The following ADAMTS12 variants were observed in gnomAD, a reference collection of about 807,000 sequenced individuals.
The protein encoded by ADAMTS12 is A disintegrin and metalloproteinase with thrombospondin motifs 12.
ADAMTS12 carries 118 observed loss-of-function variants against 167.8 expected under a neutral mutation model. The ratio of observed to expected loss-of-function variants is 0.70; its 90% CI spans 0.61 to 0.82. ADAMTS12 has a LOEUF of 0.82. Ranked by LOEUF, ADAMTS12 falls within the 40% of genes least tolerant of loss-of-function variation. The pLI is 0.00. For missense variants in ADAMTS12, 1,916 were observed against 1,998.8 expected, an observed-to-expected ratio of 0.96 and a Z score of 0.79; for synonymous variants, 704 against 716.9, an observed-to-expected ratio of 0.98 and a Z score of 0.29.
chr5:33,670,922 C>T (rs1043579407), intron 5 of ADAMTS12, among the ~76,000 whole-genome samples: 2 of 152,100 alleles, frequency 1.3e-5, no homozygotes, highest in Non-Finnish European at 2.9e-5. Context: ...ACCCAAATGT[C>T]CTTCAGTGGG....
chr5:33,669,918 A>G (rs1420341922), intron 5 of ADAMTS12, among the ~76,000 whole-genome samples: 2 of 151,974 alleles, frequency 1.3e-5, no homozygotes, highest in African/African-American at 4.8e-5. Flanking sequence ...GAAAAAAAAC[A>G]TAGAAAATCT....
intron 3 of ADAMTS12, among the ~76,000 whole-genome samples, chr5:33,693,096 C>T (rs977583279): frequency 1.3e-5 from 2 of 152,246 alleles, no homozygotes; most frequent in South Asian, 2.1e-4. Flanking sequence ...TCAGCTATCT[C>T]TGTTGCTGCT....
intron 2 of ADAMTS12, among the ~76,000 whole-genome samples, chr5:33,824,793 G>A (rs62349829): frequency 0.16 from 24,969 of 152,098 alleles, 2,621 homozygotes; most frequent in South Asian, 0.4. Flanking sequence ...CCCTTGCTCT[G>A]TAAAGTTACA....
At chr5:33,670,094 A>G (rs1741617490) in intron 5 of ADAMTS12, among the ~76,000 whole-genome samples, 1 of 152,108 alleles carries the variant, frequency 6.6e-6, no homozygotes, top group Admixed American at 6.5e-5. Flanking sequence ...AAATACTTGT[A>G]ATACACATAT....
At chr5:33,630,657 C>CTA (rs1739874266) in intron 13 of ADAMTS12, 123 bp downstream of exon 13, 6 of 1,059,440 alleles carry the variant, frequency 5.7e-6, no homozygotes, top group Non-Finnish European at 8.1e-6. Context: ...GTTTCATGAA[C>CTA]TATATATAAA....
At position 33,524,092 on chromosome 5, in the gene ADAMTS12, C is replaced by T. The variant is rs1411837905; in HGVS notation, c.*3096G>A. ...CTGGATGAAGGTTATCAGAAACATT[C>T]ACTGACTATCTGAAAGCATCACAGT... On this transcript the variant is annotated 3_prime_UTR_variant, in exon 24 of 24. Coordinates refer to ENST00000504830, the MANE Select transcript of ADAMTS12 (RefSeq NM_030955.4). 1 of 152,358 alleles carries T rather than the reference C, an allele frequency of 6.6e-6. No homozygotes were observed. The highest frequency in any genetic ancestry group is 2.4e-5 in the African/African-American group (1 of 41,434). 9.4% of individuals were successfully genotyped at this position (152,358 alleles called of 1,614,324 possible).
At chr5:33,553,830 T>C (rs941903748) in intron 20 of ADAMTS12, among the ~76,000 whole-genome samples, 2 of 152,170 alleles carry the variant, frequency 1.3e-5, no homozygotes, top group African/African-American at 4.8e-5. Context: ...AGTTTACCTA[T>C]GTAGCAAACC....
intron 22 of ADAMTS12, among the ~76,000 whole-genome samples, chr5:33,536,425 C>T (rs1744408103): frequency 2.0e-5 from 3 of 152,174 alleles, no homozygotes; most frequent in South Asian, 4.1e-4. Flanking sequence ...TTTACAGGTT[C>T]CAAAATTGTA....
chr5:33,741,423 A>C (rs1307795136), intron 3 of ADAMTS12, among the ~76,000 whole-genome samples: 4 of 152,110 alleles, frequency 2.6e-5, no homozygotes, highest in Non-Finnish European at 4.4e-5. Context: ...ATGAGGGCAA[A>C]GTCAAAGCCC....
chr5:33,764,277 T>C (rs2112414668), intron 2 of ADAMTS12, among the ~76,000 whole-genome samples: 1 of 152,344 alleles, frequency 6.6e-6, no homozygotes, highest in East Asian at 1.9e-4. Flanking sequence ...CCTTATAATT[T>C]CTGTTCATCA....
chr5:33,630,676 G>T, intron 13 of ADAMTS12, 104 bp downstream of exon 13: 1 of 1,205,440 alleles, frequency 8.3e-7, no homozygotes, highest in Non-Finnish European at 1.2e-6. Flanking sequence ...AAAAACAGAT[G>T]AGGTGTAAAT....
At position 33,760,723 on chromosome 5, in the gene ADAMTS12, C is replaced by A. The variant is rs899500557; in HGVS notation, c.490-9175G>T. On this transcript the variant is annotated intron_variant, in intron 2 of 23. Transcript: ENST00000504830. ...CTGTTCTCAGGGACAAGGGTGGGAG[C>A]CCCATAAATGACACCACCTGAAAAT... Among the ~76,000 whole-genome samples the A allele has an allele frequency of 3.9e-5, 6 of 152,158 alleles. No individual in the cohort carries two copies. In the South Asian group the frequency reaches 1.0e-3, roughly 26 times the overall value.
At chr5:33,668,295 G>C (rs1331874476) in intron 5 of ADAMTS12, among the ~76,000 whole-genome samples, 1 of 151,868 alleles carries the variant, frequency 6.6e-6, no homozygotes, top group African/African-American at 2.4e-5. Context: ...TCTACTAAAA[G>C]TGAAAAGATT....
At position 33,549,336 on chromosome 5, in the gene ADAMTS12, G is replaced by A. The variant is rs532835414; in HGVS notation, c.4173C>T (p.Cys1391=). 9 of 1,614,044 alleles carry A rather than the reference G, an allele frequency of 5.6e-6. No homozygotes were observed. Among genetic ancestry groups the A allele is most frequent in the South Asian group, 4.4e-5 (4 of 91,068 alleles). Residue 1391 remains cysteine, a synonymous_variant, in exon 21 of 24, where the codon TGC becomes TGT. Coordinates refer to ENST00000504830, the MANE Select transcript of ADAMTS12 (RefSeq NM_030955.4). ...SGGFKIREIQ[C]VDSRDHRNLR... is the part of the protein sequence containing the mutation. Reference sequence around the variant, plus strand: ...GGTTCCGGTGGTCCCGGCTGTCCACGCACTGAATCTCGCGTATCTTGAAGC... The same window carrying A: ...GGTTCCGGTGGTCCCGGCTGTCCACACACTGAATCTCGCGTATCTTGAAGC...
chr5:33,558,572 T>C (rs1483059929), intron 20 of ADAMTS12, among the ~76,000 whole-genome samples: 1 of 152,136 alleles, frequency 6.6e-6, no homozygotes, highest in African/African-American at 2.4e-5. Flanking sequence ...CAGGCTTTCC[T>C]TAGGAGGCCG....
In ADAMTS12 at chr5:33,662,019, G is replaced by A. The variant is rs1741277428; in HGVS notation, c.937C>T (p.His313Tyr). ...AAGCTAGACAGTGTCTTTTCTGCAT[G>A]GTGAACTATTTTCAGTCCTTGCTGG... ...EEEQGLKIVH[H>Y]AEKTLSSFCK... Residue 313 changes from histidine to tyrosine, a missense_variant, in exon 6 of 24, where the codon CAT becomes TAT. Physicochemically the swap from His to Tyr is moderately conservative, Grantham distance 83 (BLOSUM62 2). Transcript: ENST00000504830. 10 of 1,611,456 alleles carry A rather than the reference G, an allele frequency of 6.2e-6. No homozygotes were observed. Among genetic ancestry groups the A allele is most frequent in the East Asian group, 2.2e-5 (1 of 44,866 alleles).
chr5:33,829,607 C>T (rs1459170268), intron 2 of ADAMTS12, among the ~76,000 whole-genome samples: 3 of 152,108 alleles, frequency 2.0e-5, no homozygotes, highest in African/African-American at 7.2e-5. Flanking sequence ...CTTTGTGCTG[C>T]CCCCTGCCTT....
chr5:33,658,454 T>A (rs1741139836), intron 6 of ADAMTS12, 121 bp from the exon 7 acceptor site: 5 of 1,181,946 alleles, frequency 4.2e-6, no homozygotes, highest in Non-Finnish European at 5.9e-6. Context: ...TGGCATTTTT[T>A]AAAAAGTCTA....
chr5:33,614,264 G>C lies in ADAMTS12; in HGVS notation c.2501C>G (p.Thr834Arg), dbSNP rs1482772031. 2 of 1,613,834 alleles carry C rather than the reference G, an allele frequency of 1.2e-6. No homozygotes were observed. Among genetic ancestry groups the C allele is most frequent in the East Asian group, 2.2e-5 (1 of 44,846 alleles). The change falls in exon 16 of 24, where the codon ACA (threonine) becomes AGA (arginine). Residue 834 changes from threonine to arginine, a missense_variant. By Grantham distance (71) the Thr-to-Arg change is moderately conservative (BLOSUM62 -1). Transcript: ENST00000504830. ...QMYFWQYGHWTECSVTCGTGI... is the reference protein window; with the variant it reads ...QMYFWQYGHWRECSVTCGTGI... ...TGTCCCGCAGGTCACACTGCACTCT[G>C]TCCAGTGGCCGTACTGCCAGAAGTA...
Sources: allele counts gnomAD v4.1 joint callset (sites outside exome capture counted in the v4.1 genomes callset), GRCh38; gene constraint gnomAD v4.1.1; transcripts MANE v1.5; gene names NCBI Gene and HGNC (gene_info 2026-07-23, HGNC 2026-07-21).